CACNA2D1: variants seen among roughly 807,000 people sequenced by gnomAD.
CACNA2D1 encodes calcium voltage-gated channel auxiliary subunit alpha2delta 1, also known as voltage-dependent calcium channel subunit alpha-2/delta-1.
In CACNA2D1, 53 loss-of-function variants were observed where a neutral mutation model predicts 171.5. The ratio of observed to expected loss-of-function variants is 0.31; its 90% CI spans 0.25 to 0.39. CACNA2D1 has a LOEUF of 0.39. CACNA2D1 is among the 10% of genes least tolerant of loss of function. The pLI, the probability that CACNA2D1 is intolerant of heterozygous loss-of-function variation, is 1.00. For missense variants in CACNA2D1, 903 were observed against 1,299.8 expected (o/e 0.69, Z 4.69); for synonymous variants, 442 against 443.1 (o/e 1.00, Z 0.03).
intron 1 of CACNA2D1, among the ~76,000 whole-genome samples, chr7:82,437,074 A>G (rs1328247967): frequency 6.6e-6 from 1 of 152,172 alleles, no homozygotes; most frequent in Non-Finnish European, 1.5e-5. Context: ...ATGTCTGGTG[A>G]TAACAGGAAA....
At chr7:82,415,538 A>AT (rs200875063) in intron 1 of CACNA2D1, among the ~76,000 whole-genome samples, 1 of 151,964 alleles carries the variant, frequency 6.6e-6, no homozygotes, top group Non-Finnish European at 1.5e-5. Flanking sequence ...CTAAAAAAAA[A>AT]CAAAAAAAAA....
At chr7:82,315,028 C>T (rs1814941897) in intron 3 of CACNA2D1, among the ~76,000 whole-genome samples, 1 of 141,466 alleles carries the variant, frequency 7.1e-6, no homozygotes, top group East Asian at 2.1e-4. Context: ...CCCAGCTACT[C>T]GGGAGGCTGA....
intron 1 of CACNA2D1, among the ~76,000 whole-genome samples, chr7:82,350,621 C>T (rs949205087): frequency 2.0e-5 from 3 of 152,092 alleles, no homozygotes; most frequent in African/African-American, 7.2e-5. Flanking sequence ...GCTGAGATCG[C>T]GCCACTGCAC....
intron 3 of CACNA2D1, among the ~76,000 whole-genome samples, chr7:82,230,819 T>TC (rs1802849722): frequency 6.6e-6 from 1 of 151,380 alleles, no homozygotes; most frequent in Non-Finnish European, 1.5e-5. Flanking sequence ...AAGAAAAGCA[T>TC]CCTTGGCTTT....
At chr7:82,396,112 C>T (rs1825732083) in intron 1 of CACNA2D1, among the ~76,000 whole-genome samples, 1 of 152,118 alleles carries the variant, frequency 6.6e-6, no homozygotes, top group Non-Finnish European at 1.5e-5. Context: ...CTTAAACCAA[C>T]CTCAAGGTTT....
In CACNA2D1 at chr7:82,041,119, C is replaced by T. The variant is rs540718916; in HGVS notation, c.880-2884G>A. Among the ~76,000 whole-genome samples the T allele has an allele frequency of 3.3e-5, 5 of 152,080 alleles. No homozygotes were observed. The South Asian group carries it at 8.3e-4, about 25-fold the overall frequency. On this transcript the variant is annotated intron_variant, in intron 10 of 38. Coordinates refer to ENST00000356860, the MANE Select transcript of CACNA2D1 (RefSeq NM_000722.4). ...TGAATGCAGGCAAATCTGCAAAGTG[C>T]CTTGGCTGGATGCAGAGCTGGAAAA... is the stretch of plus-strand genomic sequence containing the variant.
At chr7:82,009,052 C>A (rs1013568520) in intron 15 of CACNA2D1, 5 of 152,158 alleles carry the variant, frequency 3.3e-5, no homozygotes, top group African/African-American at 1.2e-4. Flanking sequence ...ATAATCCCCA[C>A]GTGTTGTGGG....
At chr7:82,128,514 A>T (rs1296413845) in intron 5 of CACNA2D1, among the ~76,000 whole-genome samples, 2 of 152,178 alleles carry the variant, frequency 1.3e-5, no homozygotes, top group Non-Finnish European at 2.9e-5. Flanking sequence ...GGATGCAGCT[A>T]ATAGAAAGCT....
chr7:82,380,993 C>G (rs1050456034), intron 1 of CACNA2D1, among the ~76,000 whole-genome samples: 2 of 151,866 alleles, frequency 1.3e-5, no homozygotes, highest in Non-Finnish European at 2.9e-5. Flanking sequence ...CTGCGCCCGG[C>G]CACATTTATT....
chr7:82,341,561 T>C (rs1454951078), intron 2 of CACNA2D1, among the ~76,000 whole-genome samples: 1 of 152,224 alleles, frequency 6.6e-6, no homozygotes, highest in African/African-American at 2.4e-5. Flanking sequence ...ATAAATGATG[T>C]AATCTACTAA....
intron 3 of CACNA2D1, among the ~76,000 whole-genome samples, chr7:82,297,775 G>A (rs928534129): frequency 1.3e-5 from 2 of 151,974 alleles, no homozygotes; most frequent in African/African-American, 4.8e-5. Context: ...GCTGGAGGCT[G>A]TTAATAAAGA....
rs59979323 is a variant in CACNA2D1 at position 81,995,798 on chromosome 7, CAAA to C, written c.1663-862_1663-860del. On this transcript the variant is annotated intron_variant, in intron 19 of 38. Coordinates refer to ENST00000356860, the MANE Select transcript of CACNA2D1 (RefSeq NM_000722.4). ...TGGGCGACAGAGCGAGACTCCACCT[CAAA>C]AAAAAAAAAAAAAAAAAGTGCAAGG... Among the ~76,000 whole-genome samples the C allele has an allele frequency of 6.0e-3, 612 of 101,516 alleles. 3 individuals carry two copies. The highest frequency in any genetic ancestry group is 0.027 in the Middle Eastern group (6 of 226). The allele number at this position is 101,516 out of a possible 152,430, so 66.6% of individuals were successfully genotyped here.
intron 38 of CACNA2D1, among the ~76,000 whole-genome samples, chr7:81,955,908 G>GGGC (rs199653211): frequency 5.2e-5 from 1 of 19,224 alleles, no homozygotes; most frequent in East Asian, 2.5e-3. Flanking sequence ...ATTTTGGTGG[G>GGGC]GGGGGGGGGG....
intron 1 of CACNA2D1, among the ~76,000 whole-genome samples, chr7:82,372,828 A>G (rs957735546): frequency 9.2e-5 from 14 of 152,250 alleles, no homozygotes; most frequent in Admixed American, 8.5e-4. Context: ...AATGGTTTAC[A>G]GTTTCCTCTA....
chr7:82,007,860 A>G lies in CACNA2D1; in HGVS notation c.1363-104T>C, dbSNP rs2130886689. 4 of 704,130 alleles carry G rather than the reference A, an allele frequency of 5.7e-6. No individual in the cohort carries two copies. In the Admixed American group the frequency reaches 8.7e-5, roughly 15 times the overall value. 43.6% of individuals were successfully genotyped at this position (704,130 alleles called of 1,614,324 possible). On this transcript the variant is annotated intron_variant, in intron 15 of 38. Transcript: ENST00000356860. ...TGAGATTGCATTTTATAGTTACTTT[A>G]TAAAGAGCCACAAAAACTAGTAACT...
intron 3 of CACNA2D1, among the ~76,000 whole-genome samples, chr7:82,292,412 T>G (rs994466953): frequency 3.3e-5 from 5 of 152,194 alleles, no homozygotes; most frequent in Non-Finnish European, 7.3e-5. Flanking sequence ...ATCCATGTAT[T>G]CCTTTTACTG....
At chr7:82,383,378 T>G (rs992361102) in intron 1 of CACNA2D1, among the ~76,000 whole-genome samples, 5 of 152,184 alleles carry the variant, frequency 3.3e-5, no homozygotes, top group African/African-American at 1.2e-4. Flanking sequence ...TTATTCATAT[T>G]CAGCCCTTCT....
intron 38 of CACNA2D1, among the ~76,000 whole-genome samples, chr7:81,951,970 T>TTTTTTTTTTTTGTTTTTG (rs1554321656): frequency 1.5e-3 from 37 of 23,976 alleles, no homozygotes; most frequent in Non-Finnish European, 2.5e-3. Context: ...GTACAAAGTG[T>TTTTTTTTTTTTGTTTTTG]TTTTTTTTTT....
At chr7:82,365,436 T>C (rs1676986094) in intron 1 of CACNA2D1, among the ~76,000 whole-genome samples, 1 of 152,224 alleles carries the variant, frequency 6.6e-6, no homozygotes, top group Non-Finnish European at 1.5e-5. Context: ...TAAGACTATT[T>C]TTATTCAGAA....
Sources: allele counts gnomAD v4.1 joint callset (sites outside exome capture counted in the v4.1 genomes callset), GRCh38; gene constraint gnomAD v4.1.1; transcripts MANE v1.5; gene names NCBI Gene and HGNC (gene_info 2026-07-23, HGNC 2026-07-21).